The following CPXM2 variants were observed in gnomAD, a reference collection of about 807,000 sequenced individuals.
The protein encoded by CPXM2 is inactive carboxypeptidase-like protein X2.
A neutral mutation model predicts 86.1 loss-of-function variants in CPXM2; 66 were observed. The ratio of observed to expected loss-of-function variants is 0.77; its 90% CI spans 0.63 to 0.94. The LOEUF (loss-of-function observed/expected upper bound fraction) is 0.94, where lower values mean the gene tolerates loss of function less well. Ranked by LOEUF, CPXM2 falls within the 40% of genes least tolerant of loss-of-function variation. The probability of loss-of-function intolerance (pLI) is 0.00; values close to 1 mark genes in which losing one functional copy is unlikely to be tolerated. For missense variants in CPXM2, 948 were observed against 1,026.3 expected (o/e 0.92, Z 1.04); for synonymous variants, 388 against 400.2 (o/e 0.97, Z 0.36).
At chr10:123,782,927 C>G (rs551378692) in intron 6 of CPXM2, among the ~76,000 whole-genome samples, 2 of 152,298 alleles carry the variant, frequency 1.3e-5, no homozygotes, top group Non-Finnish European at 2.9e-5. Context: ...TCGGGAAAAC[C>G]CATCAAAACC....
chr10:123,829,216 A>G (rs949782152), intron 4 of CPXM2, among the ~76,000 whole-genome samples: 3 of 152,220 alleles, frequency 2.0e-5, no homozygotes, highest in African/African-American at 7.2e-5. Context: ...AAATAGTGAT[A>G]AGATTAAATG....
intron 7 of CPXM2, 47 bp downstream of exon 7, chr10:123,780,119 GC>G: frequency 8.2e-7 from 1 of 1,214,568 alleles, no homozygotes; most frequent in Non-Finnish European, 1.2e-6. Flanking sequence ...ATAATATGTT[GC>G]TTTTTTGACA....
Position 123,747,006 on chromosome 10 carries a change from C to A in CPXM2, c.2029G>T (p.Asp677Tyr), listed in dbSNP as rs1845983830. 2.5e-6 allele frequency: 4 copies of A among 1,613,934 alleles called. No individual in the cohort carries two copies. The highest frequency in any genetic ancestry group is 3.4e-6 in the Non-Finnish European group (4 of 1,179,934). Residue 677 changes from aspartate to tyrosine, a missense_variant, in exon 14 of 14, where the codon GAT (aspartate) becomes TAT (tyrosine). By Grantham distance (160) the Asp-to-Tyr change is radical. Coordinates refer to ENST00000241305, the MANE Select transcript of CPXM2 (RefSeq NM_198148.3). ...NHDIRTANDG[D>Y]YWRLLNPGEY... ...CCAGGGTTCAGGAGGCGCCAGTAAT[C>A]CCCATCGTTGGCTGTGAAAAAGAAA... is the stretch of plus-strand genomic sequence containing the variant.
intron 2 of CPXM2, among the ~76,000 whole-genome samples, chr10:123,918,881 C>G (rs953227594): frequency 1.3e-5 from 2 of 151,970 alleles, no homozygotes; most frequent in African/African-American, 4.8e-5. Flanking sequence ...TCTTTTTTTC[C>G]TAGCTATTTT....
intron 6 of CPXM2, among the ~76,000 whole-genome samples, chr10:123,788,822 G>A (rs571668428): frequency 4.7e-5 from 7 of 147,640 alleles, no homozygotes; most frequent in South Asian, 2.1e-4. Context: ...ACTAACTATC[G>A]CCAAAGCGTA....
chr10:123,748,334 T>C (rs1003126738), intron 13 of CPXM2, among the ~76,000 whole-genome samples: 1 of 152,222 alleles, frequency 6.6e-6, no homozygotes, highest in African/African-American at 2.4e-5. Flanking sequence ...CAAGGTTTGC[T>C]TATCTTAGCA....
At chr10:123,779,051 T>C (rs1846872498) in intron 7 of CPXM2, among the ~76,000 whole-genome samples, 1 of 152,228 alleles carries the variant, frequency 6.6e-6, no homozygotes, top group African/African-American at 2.4e-5. Context: ...CTCAGAAACA[T>C]CTTCCACATT....
rs1460248462 is a variant in CPXM2, at chr10:123,865,804, T to G, written c.404-3081A>C. Among the ~76,000 whole-genome samples, 1 of 152,128 alleles carries G rather than the reference T, an allele frequency of 6.6e-6. No homozygotes were observed. Among genetic ancestry groups the G allele is most frequent in the East Asian group, 1.9e-4 (1 of 5,176 alleles). ...GTTATGGGTTCTTCCAACTGCCTCC[T>G]CCTGGCCAACCCCAGGAGGGGCAAC... On this transcript the variant is annotated intron_variant, in intron 2 of 13. Coordinates refer to ENST00000241305, the MANE Select transcript of CPXM2 (RefSeq NM_198148.3). This position sits in a 1 kb window ranked among gnomAD's most constrained non-coding sequence, Gnocchi z 4.7.
chr10:123,876,394 T>G (rs1241575297), intron 2 of CPXM2, among the ~76,000 whole-genome samples: 1 of 152,034 alleles, frequency 6.6e-6, no homozygotes, highest in Non-Finnish European at 1.5e-5. Context: ...CAAAGAACCG[T>G]GCACGGGAAT....
chr10:123,780,892 G>T (rs1405183835), intron 6 of CPXM2, among the ~76,000 whole-genome samples: 3 of 152,186 alleles, frequency 2.0e-5, no homozygotes, highest in Admixed American at 2.0e-4. Flanking sequence ...GATCCAGATT[G>T]AAGGGAAAGA....
chr10:123,773,746 G>C (rs1846715230), intron 7 of CPXM2, among the ~76,000 whole-genome samples: 2 of 152,190 alleles, frequency 1.3e-5, no homozygotes, highest in Admixed American at 1.3e-4. Flanking sequence ...TAAATGGTAG[G>C]AAAAGCAGGC....
chr10:123,921,889 G>A (rs1945582023), intron 2 of CPXM2, among the ~76,000 whole-genome samples: 1 of 152,226 alleles, frequency 6.6e-6, no homozygotes, highest in Non-Finnish European at 1.5e-5. Context: ...GGAGCTAAGA[G>A]AAGGGATAGC....
intron 3 of CPXM2, among the ~76,000 whole-genome samples, chr10:123,852,659 C>T (rs1356285086): frequency 6.6e-6 from 1 of 152,182 alleles, no homozygotes; most frequent in Non-Finnish European, 1.5e-5. Context: ...CCTCCTATTA[C>T]CTCTGGCTCA....
intron 11 of CPXM2, among the ~76,000 whole-genome samples, chr10:123,760,102 G>A (rs145066313): frequency 0.018 from 2,802 of 152,282 alleles, 39 homozygotes; most frequent in Non-Finnish European, 0.027. Flanking sequence ...TGGCTCTGCC[G>A]TGAAGTCCCA....
intron 3 of CPXM2, among the ~76,000 whole-genome samples, chr10:123,857,933 C>A (rs572211541): frequency 1.3e-5 from 2 of 150,784 alleles, no homozygotes; most frequent in Non-Finnish European, 3.0e-5. Flanking sequence ...GGTCCCACAG[C>A]CCATTCATAG....
rs73366745 is a variant in CPXM2 at position 123,843,641 on chromosome 10, C to T, written c.514-1153G>A. Among the ~76,000 whole-genome samples, 1,303 of 152,076 alleles carry T rather than the reference C, an allele frequency of 8.6e-3. 21 individuals carry two copies. Among genetic ancestry groups the T allele is most frequent in the African/African-American group, 0.03 (1,232 of 41,494 alleles). ...TTCCCTATCTCTGAGCATTTCAACT[C>T]AAATTCTGGGGACAGCCTTACTTTT... On this transcript the variant is annotated intron_variant, in intron 3 of 13. Transcript: ENST00000241305.
intron 2 of CPXM2, among the ~76,000 whole-genome samples, chr10:123,933,747 TA>T (rs376408688): frequency 0.018 from 2,445 of 137,226 alleles, 60 homozygotes; most frequent in African/African-American, 0.051. Flanking sequence ...AAAACAAAAC[TA>T]AAAAAAAAAA....
chr10:123,827,583 G>T (rs1183773370), intron 4 of CPXM2, among the ~76,000 whole-genome samples: 1 of 152,094 alleles, frequency 6.6e-6, no homozygotes, highest in African/African-American at 2.4e-5. Flanking sequence ...TTAAATAAAT[G>T]GAAAAATATC....
chr10:123,890,422 G>A (rs1243102602), intron 1 of CPXM2, among the ~76,000 whole-genome samples: 9 of 152,224 alleles, frequency 5.9e-5, no homozygotes, highest in Non-Finnish European at 1.3e-4. Flanking sequence ...ACTTTCGTGA[G>A]CAGTTTAACC....
Sources: gnomAD v4.1 joint callset for allele counts (sites outside exome capture counted in the v4.1 genomes callset) on GRCh38, gnomAD v4.1.1 for gene constraint, Gnocchi (gnomAD v3.1) non-coding constraint, MANE v1.5 for transcripts, NCBI Gene and HGNC (gene_info 2026-07-23, HGNC 2026-07-21) for gene names.